The following CCDC112 variants were observed in gnomAD, a reference collection of about 807,000 sequenced individuals.
The protein encoded by CCDC112 is coiled-coil domain containing 112, also known as coiled-coil domain-containing protein 112.
In CCDC112, 40 loss-of-function variants were observed where a neutral mutation model predicts 66.3. The observed-to-expected ratio is 0.60, with a 90% CI of 0.47 to 0.79. The LOEUF (loss-of-function observed/expected upper bound fraction) is 0.79, where lower values mean the gene tolerates loss of function less well. Among genes scored for constraint, CCDC112 ranks in the 30% least tolerant of loss-of-function variants. CCDC112 has a pLI of 0.00. For synonymous variants in CCDC112, 214 were observed against 197.2 expected (o/e 1.09, Z -0.71); for missense variants, 659 against 603.8 (o/e 1.09, Z -0.96).
chr5:115,295,415 T>C (rs911073004), intron 1 of CCDC112, among the ~76,000 whole-genome samples: 2 of 152,114 alleles, frequency 1.3e-5, no homozygotes, highest in Non-Finnish European at 2.9e-5. Flanking sequence ...CCTGAGATAC[T>C]TGGGACAGAG....
intron 4 of CCDC112, 124 bp downstream of exon 4, chr5:115,276,841 T>C (rs867499197): frequency 1.7e-6 from 1 of 584,288 alleles, no homozygotes. Context: ...TCCTAACCAA[T>C]AAAGTAGAGT....
chr5:115,291,319 T>C (rs1168179721), intron 1 of CCDC112, among the ~76,000 whole-genome samples: 1 of 152,156 alleles, frequency 6.6e-6, no homozygotes, highest in East Asian at 1.9e-4. Context: ...ACACTGCATG[T>C]CTGGAATAAA....
chr5:115,283,312 A>G (rs568320339), intron 2 of CCDC112, among the ~76,000 whole-genome samples: 2 of 152,144 alleles, frequency 1.3e-5, no homozygotes, highest in Admixed American at 1.3e-4. Flanking sequence ...ACTCCTGGTA[A>G]TCACCATTCT....
chr5:115,294,875 G>GT (rs1015260088), intron 1 of CCDC112, among the ~76,000 whole-genome samples: 2 of 151,952 alleles, frequency 1.3e-5, no homozygotes, highest in Admixed American at 6.6e-5. Flanking sequence ...GTTTTGTTTT[G>GT]TTTTTTTAAA....
In CCDC112 at chr5:115,269,812, ACCCATAGCATTAAG is replaced by A; in HGVS notation, c.1333-28_1333-15del. 1 of 1,460,228 alleles carries A rather than the reference ACCCATAGCATTAAG, an allele frequency of 6.8e-7. No homozygotes were observed. Among genetic ancestry groups the A allele is most frequent in the Non-Finnish European group, 9.2e-7 (1 of 1,082,852 alleles). 90.5% of individuals were successfully genotyped at this position (1,460,228 alleles called of 1,614,324 possible). A position where few individuals can be genotyped will look rare whatever the true frequency, so the allele number is the denominator to read the frequency against. On this transcript the variant is annotated splice_polypyrimidine_tract_variant and intron_variant, in intron 7 of 9. Transcript: ENST00000379611. ...TTTATGTAAATCCTTAAAAAAAAAA[ACCCATAGCATTAAG>A]AAAGCATGTGAACTAGAATTTGTTC...
chr5:115,296,231 G>A (rs899724886), intron 1 of CCDC112, 196 bp downstream of exon 1: 19 of 1,281,570 alleles, frequency 1.5e-5, no homozygotes, highest in Non-Finnish European at 1.8e-5. Context: ...CCTCGACTCC[G>A]AAACCACATG....
intron 1 of CCDC112, among the ~76,000 whole-genome samples, chr5:115,291,149 GA>G (rs1391890978): frequency 2.6e-5 from 4 of 152,008 alleles, no homozygotes; most frequent in Non-Finnish European, 5.9e-5. Flanking sequence ...CTCTTCTATT[GA>G]CAGTTTGTTG....
chr5:115,271,366 G>A lies in CCDC112; in HGVS notation c.1179C>T (p.Arg393=), dbSNP rs770890256. ...CTAGTAGTAATTTTAACTTAAACTGGCGCTGGCGTTCTTTCTGATGTTTTT... is the reference window on the plus strand; with the variant it reads ...CTAGTAGTAATTTTAACTTAAACTGACGCTGGCGTTCTTTCTGATGTTTTT... ...KEKKHQKERQ[R]QFKLKLLLES... is the part of the protein sequence containing the mutation. The change falls in exon 7 of 10, where the codon CGC becomes CGT. Residue 393 remains arginine (R), a synonymous_variant. Transcript: ENST00000379611. 8 of 1,611,280 alleles carry A rather than the reference G, an allele frequency of 5.0e-6. No homozygotes were observed. Among genetic ancestry groups the A allele is most frequent in the Non-Finnish European group, 6.8e-6 (8 of 1,179,550 alleles).
chr5:115,279,697 C>A lies in CCDC112; in HGVS notation c.311G>T (p.Ser104Ile), dbSNP rs370326052. The A allele has an allele frequency of 3.1e-6, 5 of 1,608,248 alleles. No homozygotes were observed. In the East Asian group the frequency reaches 1.1e-4, roughly 36 times the overall value. ...NQKSDFRIEH[S>I]MLEELENKLI... is the part of the protein sequence containing the mutation. ...TTTATTTTCCAATTCTTCTAGCATA[C>A]TATGCTCAATTCTGAAGTCACTTTT... Residue 104 changes from serine to isoleucine, a missense_variant, in exon 3 of 10, where the codon AGT (serine) becomes ATT (isoleucine). Ser to Ile is a moderately radical substitution (Grantham distance 142). Transcript: ENST00000379611.
At position 115,288,896 on chromosome 5, in the gene CCDC112, T is replaced by C. The variant is rs149340785; in HGVS notation, c.118-3988A>G. The C allele has an allele frequency of 2.3e-3, 1,052 of 448,640 alleles. 13 individuals are homozygous for C. The highest frequency in any genetic ancestry group is 0.019 in the African/African-American group (925 of 49,694). 27.8% of individuals were successfully genotyped at this position (448,640 alleles called of 1,614,324 possible). A position where few individuals can be genotyped will look rare whatever the true frequency, so the allele number is the denominator to read the frequency against. ...TCCCTGAGTGACTAAAAAACTTGCATTTACAAGATAGTTGATAAAAATATT... is the reference window on the plus strand; with the variant it reads ...TCCCTGAGTGACTAAAAAACTTGCACTTACAAGATAGTTGATAAAAATATT... On this transcript the variant is annotated intron_variant, in intron 1 of 9. Coordinates refer to ENST00000379611, the MANE Select transcript of CCDC112 (RefSeq NM_001040440.3).
Position 115,279,630 on chromosome 5 carries a change from T to C in CCDC112, c.361+17A>G, listed in dbSNP as rs1383736097. The C allele has an allele frequency of 6.2e-7, 1 of 1,609,194 alleles. No homozygotes were observed. The highest frequency in any genetic ancestry group is 1.7e-5 in the Admixed American group (1 of 59,954). On this transcript the variant is annotated intron_variant, in intron 3 of 9. Coordinates refer to ENST00000379611, the MANE Select transcript of CCDC112 (RefSeq NM_001040440.3). ...ATATCGCTCAACAGTTTTTAGTTCA[T>C]CACAAACTCAACTTACTTTCTGTTT...
rs372961345 is a variant in CCDC112, at chr5:115,269,052, C to T, written c.1429-52G>A. The T allele has an allele frequency of 9.3e-5, 96 of 1,033,934 alleles. No individual in the cohort carries two copies. The African/African-American group carries it at 1.0e-3, about 11-fold the overall frequency. 64.0% of individuals were successfully genotyped at this position (1,033,934 alleles called of 1,614,324 possible). On this transcript the variant is annotated intron_variant, in intron 8 of 9. Coordinates refer to ENST00000379611, the MANE Select transcript of CCDC112 (RefSeq NM_001040440.3). Reference sequence around the variant, plus strand: ...GTTAATTATACAAACTCAGTTTGTACTAGTAAATAAGTAAAAGCCTTAGTG... The same window carrying T: ...GTTAATTATACAAACTCAGTTTGTATTAGTAAATAAGTAAAAGCCTTAGTG...
chr5:115,284,884 C>G lies in CCDC112; in HGVS notation c.142G>C (p.Gly48Arg). The G allele has an allele frequency of 6.2e-7, 1 of 1,612,204 alleles. No homozygotes were observed. The highest frequency in any genetic ancestry group is 1.1e-5 in the South Asian group (1 of 90,892). Residue 48 changes from glycine (G) to arginine (R), a missense_variant, in exon 2 of 10, where the codon GGT (glycine) becomes CGT (arginine). By Grantham distance (125) the Gly-to-Arg change is moderately radical. Transcript: ENST00000379611. ...QQSDGCFSTS[G>R]GIRPFHLQNW... Reference sequence around the variant, plus strand: ...TGAAGATGAAAAGGACGAATTCCACCTGAAGTACTAAAACAGCCATCACTC... The same window carrying G: ...TGAAGATGAAAAGGACGAATTCCACGTGAAGTACTAAAACAGCCATCACTC...
chr5:115,272,909 T>C (rs761467170), intron 6 of CCDC112, among the ~76,000 whole-genome samples: 3 of 152,150 alleles, frequency 2.0e-5, no homozygotes, highest in Non-Finnish European at 4.4e-5. Flanking sequence ...CGCAAATCAA[T>C]GCACTGCTTC....
chr5:115,277,133 A>G (rs1335080947), intron 3 of CCDC112, 79 bp from the exon 4 acceptor site: 2 of 787,484 alleles, frequency 2.5e-6, no homozygotes, highest in Non-Finnish European at 4.3e-6. Context: ...TGTAAGACTG[A>G]TCACTGTTAG....
intron 5 of CCDC112, 22 bp downstream of exon 5, chr5:115,275,972 T>A (rs1204359858): frequency 3.3e-6 from 5 of 1,501,286 alleles, no homozygotes; most frequent in Middle Eastern, 1.7e-4. Context: ...TAATTTTATA[T>A]TAAAATGAGT....
chr5:115,283,591 T>C (rs1234245157), intron 2 of CCDC112, among the ~76,000 whole-genome samples: 1 of 152,166 alleles, frequency 6.6e-6, no homozygotes, highest in Non-Finnish European at 1.5e-5. Context: ...ATTAAATATA[T>C]ATAATTTTTA....
Position 115,271,589 on chromosome 5 carries a change from C to A in CCDC112, c.956G>T (p.Arg319Met). 1 of 1,545,648 alleles carries A rather than the reference C, an allele frequency of 6.5e-7. No individual in the cohort carries two copies. The highest frequency in any genetic ancestry group is 8.7e-7 in the Non-Finnish European group (1 of 1,153,958). Residue 319 changes from arginine (R) to methionine (M), a missense_variant, in exon 7 of 10, where the codon AGG (arginine) becomes ATG (methionine). By Grantham distance (91) the Arg-to-Met change is moderately conservative (BLOSUM62 -1). Transcript: ENST00000379611. ...TTCCTTTAACTTGAAAATTTCCTCC[C>A]TTTTTTGCTGCTTTTTAGTTTTCCA... ...QIWKTKKQQK[R>M]EEIFKLKEKA...
intron 1 of CCDC112, 104 bp from the exon 2 acceptor site, chr5:115,285,012 A>G (rs1749617697): frequency 2.8e-6 from 3 of 1,083,432 alleles, no homozygotes; most frequent in Non-Finnish European, 4.0e-6. Context: ...TTCTTGAAGG[A>G]TAATTTTGGG....
Sources: allele counts gnomAD v4.1 joint callset (sites outside exome capture counted in the v4.1 genomes callset), GRCh38; gene constraint gnomAD v4.1.1; transcripts MANE v1.5; gene names NCBI Gene and HGNC (gene_info 2026-07-23, HGNC 2026-07-21).